MYO9A: variants seen among roughly 807,000 people sequenced by gnomAD.
MYO9A encodes the protein myosin IXA, also known as unconventional myosin-IXa.
In MYO9A, 103 loss-of-function variants were observed where a neutral mutation model predicts 293.3. That is an observed-to-expected ratio of 0.35 (90% CI 0.30 to 0.41). The LOEUF (loss-of-function observed/expected upper bound fraction) is 0.41, where lower values mean the gene tolerates loss of function less well. Ranked by LOEUF, MYO9A falls within the 10% of genes least tolerant of loss-of-function variation. MYO9A has a pLI of 1.00. For synonymous variants in MYO9A, 1,001 were observed against 1,035.7 expected (o/e 0.97, Z 0.64); for missense variants, 2,685 against 3,033.0 (o/e 0.89, Z 2.69).
chr15:71,899,794 G>A lies in MYO9A; in HGVS notation c.3363C>T (p.Cys1121=), dbSNP rs2057430860. 1.2e-6 allele frequency: 2 copies of A among 1,614,094 alleles called. No homozygotes were observed. Among genetic ancestry groups the A allele is most frequent in the East Asian group, 4.5e-5 (2 of 44,868 alleles). Residue 1121 remains cysteine (C), a synonymous_variant, in exon 24 of 42, where the codon TGC becomes TGT. Transcript: ENST00000356056. ...YYRRRHMAAI[C]IQARWKAYRE... is the part of the protein sequence containing the mutation. ...TGTAGGCTTTCCATCTTGCTTGTAT[G>A]CAAATAGCAGCCATGTGCCTGCGCC...
At chr15:71,841,976 ATATCAAGTGC>A (rs1272657436) in intron 39 of MYO9A, among the ~76,000 whole-genome samples, 4 of 152,054 alleles carry the variant, frequency 2.6e-5, no homozygotes, top group Non-Finnish European at 5.9e-5. Context: ...CTACATTTAT[ATATCAAGTGC>A]TATCTGTGTA....
chr15:72,095,117 A>G lies in MYO9A; in HGVS notation c.-72+22563T>C, dbSNP rs1241375032. ...TGTCTCTCACTTTAAATCAAAACCT[A>G]GAATGATTAGGCTTAGTGAGAAAGG... On this transcript the variant is annotated intron_variant, in intron 1 of 41. Coordinates refer to ENST00000356056, the MANE Select transcript of MYO9A (RefSeq NM_006901.4). 3.2e-5 allele frequency among the ~76,000 whole-genome samples: 3 copies of G among 92,620 alleles called. 1 individual carries two copies. The allele number at this position is 92,620 out of a possible 152,430, so 60.8% of individuals were successfully genotyped here. A position where few individuals can be genotyped will look rare whatever the true frequency, so the allele number is the denominator to read the frequency against.
chr15:71,991,323 CA>C, intron 10 of MYO9A, 86 bp from the exon 11 acceptor site: 1 of 1,126,436 alleles, frequency 8.9e-7, no homozygotes, highest in South Asian at 1.6e-5. Flanking sequence ...ACAAAATGCT[CA>C]ATTCCTCTAA....
Position 72,108,762 on chromosome 15 carries a change from A to ATTTTTTTTTTTTTTTTTT in MYO9A, c.-72+8917_-72+8918insAAAAAAAAAAAAAAAAAA, listed in dbSNP as rs3028363. On this transcript the variant is annotated intron_variant, in intron 1 of 41. Coordinates refer to ENST00000356056, the MANE Select transcript of MYO9A (RefSeq NM_006901.4). ...GCAGTAAACTTGTCATGACACATACATTTTTTTTTTTTTTTTTGAGACAGA... is the reference window on the plus strand; with the variant it reads ...GCAGTAAACTTGTCATGACACATACATTTTTTTTTTTTTTTTTTTTTTTTTTTTTTTTTTTGAGACAGA... Among the ~76,000 whole-genome samples the ATTTTTTTTTTTTTTTTTT allele has an allele frequency of 2.9e-5, 4 of 139,242 alleles. 2 individuals are homozygous for ATTTTTTTTTTTTTTTTTT. Among genetic ancestry groups the ATTTTTTTTTTTTTTTTTT allele is most frequent in the Non-Finnish European group, 6.1e-5 (4 of 65,294 alleles). 91.3% of individuals were successfully genotyped at this position (139,242 alleles called of 152,430 possible). A position where few individuals can be genotyped will look rare whatever the true frequency, so the allele number is the denominator to read the frequency against.
At chr15:71,850,211 A>C (rs1425249056) in intron 37 of MYO9A, 44 bp from the exon 38 acceptor site, 1 of 1,608,236 alleles carries the variant, frequency 6.2e-7, no homozygotes, top group Non-Finnish European at 8.5e-7. Context: ...TAAGGGATAA[A>C]AAGGGAGCAC....
intron 18 of MYO9A, among the ~76,000 whole-genome samples, chr15:71,929,881 G>A (rs557681897): frequency 4.8e-4 from 73 of 152,274 alleles, no homozygotes; most frequent in Non-Finnish European, 7.6e-4. Context: ...AAACTTCTCC[G>A]TAGTAGCTGA....
At chr15:72,045,631 T>A in intron 2 of MYO9A, 93 bp downstream of exon 2, 2 of 1,340,144 alleles carry the variant, frequency 1.5e-6, no homozygotes, top group South Asian at 3.1e-5. Context: ...CACATCGACC[T>A]GGTATTGCAG....
In MYO9A at chr15:71,830,293, G is replaced by C. The variant is rs199981000; in HGVS notation, c.6856C>G (p.Arg2286Gly). The C allele has an allele frequency of 6.2e-7, 1 of 1,613,606 alleles. No individual in the cohort carries two copies. The highest frequency in any genetic ancestry group is 1.3e-5 in the African/African-American group (1 of 74,992). Residue 2286 changes from arginine to glycine, a missense_variant, in exon 40 of 42, where the codon CGA (arginine) becomes GGA (glycine). This residue lies in a region of MYO9A where 350 missense variants were observed against 328.9 expected (regional missense o/e 1.06). Coordinates refer to ENST00000356056, the MANE Select transcript of MYO9A (RefSeq NM_006901.4). The part of the protein sequence containing the change: ...RRSMGKGRIR[R>G]GNYPGPSSPV... Reference sequence around the variant, plus strand: ...GACGATGGACCTGGATAGTTTCCTCGACGAATACGCCCCTTTCCCTGCAGA... The same window carrying C: ...GACGATGGACCTGGATAGTTTCCTCCACGAATACGCCCCTTTCCCTGCAGA...
chr15:72,011,644 T>C (rs2077178417), intron 6 of MYO9A, among the ~76,000 whole-genome samples: 1 of 152,114 alleles, frequency 6.6e-6, no homozygotes, highest in African/African-American at 2.4e-5. Flanking sequence ...TACTACTTTT[T>C]AAGCATAATC....
intron 27 of MYO9A, among the ~76,000 whole-genome samples, chr15:71,884,354 GTATTAT>G (rs1311760736): frequency 6.6e-6 from 1 of 152,082 alleles, no homozygotes; most frequent in Non-Finnish European, 1.5e-5. Context: ...TGAGTTATTA[GTATTAT>G]TAACAGCCAC....
chr15:72,112,639 A>G (rs2080821138), intron 1 of MYO9A, among the ~76,000 whole-genome samples: 1 of 152,226 alleles, frequency 6.6e-6, no homozygotes, highest in Admixed American at 6.5e-5. Context: ...TTTCTATAAC[A>G]TAAATTAGGT....
intron 1 of MYO9A, among the ~76,000 whole-genome samples, chr15:72,048,648 G>C (rs926304036): frequency 1.2e-4 from 18 of 151,690 alleles, no homozygotes; most frequent in Non-Finnish European, 1.6e-4. Flanking sequence ...ATAAATTTTG[G>C]TATCTGAAGG....
chr15:71,960,125 A>T (rs756292364), intron 13 of MYO9A, 29 bp from the exon 14 acceptor site: 8 of 1,596,744 alleles, frequency 5.0e-6, no homozygotes, highest in Non-Finnish European at 6.9e-6. Flanking sequence ...AGTGTTACTT[A>T]TGGGAAAAAA....
chr15:72,024,326 C>T (rs545846541), intron 4 of MYO9A, among the ~76,000 whole-genome samples: 2 of 152,320 alleles, frequency 1.3e-5, no homozygotes, highest in African/African-American at 4.8e-5. Flanking sequence ...CTCTGTTGCC[C>T]AGGCTGGAGT....
intron 1 of MYO9A, among the ~76,000 whole-genome samples, chr15:72,082,721 G>A (rs564770938): frequency 8.0e-5 from 12 of 150,502 alleles, no homozygotes; most frequent in Admixed American, 7.9e-4. Context: ...CTCGTTTATT[G>A]AGAGTTTTTA....
At chr15:71,882,064 G>A (rs2056887620) in intron 28 of MYO9A, among the ~76,000 whole-genome samples, 1 of 152,180 alleles carries the variant, frequency 6.6e-6, no homozygotes, top group Non-Finnish European at 1.5e-5. Flanking sequence ...GGCATAGAGA[G>A]CTCAAGCCCA....
intron 32 of MYO9A, among the ~76,000 whole-genome samples, chr15:71,872,982 G>A (rs912995006): frequency 3.3e-5 from 5 of 151,178 alleles, no homozygotes; most frequent in East Asian, 2.0e-4. Context: ...GCGCGATCTC[G>A]GCTCACTGCA....
At chr15:71,843,046 T>G (rs918047525) in intron 39 of MYO9A, among the ~76,000 whole-genome samples, 1 of 152,106 alleles carries the variant, frequency 6.6e-6, no homozygotes, top group Non-Finnish European at 1.5e-5. Flanking sequence ...TTTAAAGAGT[T>G]GGTACGTTTT....
rs901401153 is a variant in MYO9A, at chr15:71,979,628, T to C, written c.1723-1336A>G. 5.9e-5 allele frequency among the ~76,000 whole-genome samples: 9 copies of C among 152,352 alleles called. No individual in the cohort carries two copies. In the South Asian group the frequency reaches 1.2e-3, roughly 21 times the overall value. ...CTGAAGTTCATTCATTTTAATTGCA[T>C]TGTGAAACAACACAATCACTCAGCT... On this transcript the variant is annotated intron_variant, in intron 11 of 41. Transcript: ENST00000356056.
Sources: allele counts gnomAD v4.1 joint callset (sites outside exome capture counted in the v4.1 genomes callset), GRCh38; gene constraint gnomAD v4.1.1; regional missense constraint gnomAD v4.1.1; transcripts MANE v1.5; gene names NCBI Gene and HGNC (gene_info 2026-07-23, HGNC 2026-07-21).